Variants in KIF6 observed in about 807,000 individuals in gnomAD.
KIF6 encodes the protein kinesin-like protein KIF6.
Under a neutral mutation model 112.7 loss-of-function variants are expected in KIF6, and 106 were observed. That is an observed-to-expected ratio of 0.94 (90% CI 0.80 to 1.11). The LOEUF is 1.11. Among genes scored for constraint, KIF6 ranks in the 50% least tolerant of loss-of-function variants. The pLI, the probability that KIF6 is intolerant of heterozygous loss-of-function variation, is 0.00. For missense variants in KIF6, 929 were observed against 964.0 expected, an observed-to-expected ratio of 0.96 and a Z score of 0.48; for synonymous variants, 339 against 339.9, an observed-to-expected ratio of 1.00 and a Z score of 0.03.
rs1300825375 is a variant in KIF6 at position 39,336,273 on chromosome 6, G to C, written c.*259C>G. ...AGCTGAAGCCTTCACCCTGCCCCTAGCACTCTGGCCTTGCCTGGCCCTGCC... is the reference window on the plus strand; with the variant it reads ...AGCTGAAGCCTTCACCCTGCCCCTACCACTCTGGCCTTGCCTGGCCCTGCC... On this transcript the variant is annotated 3_prime_UTR_variant, in exon 23 of 23. Transcript: ENST00000287152. 1 of 530,674 alleles carries C rather than the reference G, an allele frequency of 1.9e-6. No homozygotes were observed. The highest frequency in any genetic ancestry group is 1.9e-5 in the African/African-American group (1 of 52,012). 32.9% of individuals were successfully genotyped at this position (530,674 alleles called of 1,614,324 possible).
intron 3 of KIF6, among the ~76,000 whole-genome samples, chr6:39,698,527 T>C (rs909785520): frequency 6.6e-6 from 1 of 152,206 alleles, no homozygotes; most frequent in Admixed American, 6.5e-5. Context: ...GACAGAGCCA[T>C]AGATGAAGAA....
intron 3 of KIF6, among the ~76,000 whole-genome samples, chr6:39,671,868 G>A (rs897637065): frequency 2.0e-5 from 3 of 152,090 alleles, no homozygotes; most frequent in South Asian, 2.1e-4. Flanking sequence ...GGTTGTCTTC[G>A]GGTACTCTGG....
chr6:39,592,491 G>A (rs1782005265), intron 7 of KIF6, among the ~76,000 whole-genome samples: 1 of 152,156 alleles, frequency 6.6e-6, no homozygotes, highest in Non-Finnish European at 1.5e-5. Context: ...CATTTATGTT[G>A]AATAAATGGC....
At chr6:39,409,407 T>C (rs1022853476) in intron 15 of KIF6, among the ~76,000 whole-genome samples, 10 of 152,208 alleles carry the variant, frequency 6.6e-5, no homozygotes, top group African/African-American at 1.2e-4. Flanking sequence ...GTTCATGAGA[T>C]GCCTCATCAG....
Position 39,343,299 on chromosome 6 carries a change from A to C in KIF6, c.2428+410T>G. The C allele has an allele frequency of 7.7e-7, 1 of 1,292,434 alleles. No homozygotes were observed. Among genetic ancestry groups the C allele is most frequent in the East Asian group, 5.5e-5 (1 of 18,168 alleles). 80.1% of individuals were successfully genotyped at this position (1,292,434 alleles called of 1,614,324 possible). ...CACTCACAGCTCTTTGGCAAGAACC[A>C]CACTCTGATAGGGGAGTGAGACTTT... On this transcript the variant is annotated intron_variant, in intron 22 of 22. Transcript: ENST00000287152. The surrounding 1 kb of genome is among the most constrained non-coding windows in gnomAD (Gnocchi z 4.1).
chr6:39,372,873 C>T (rs1427085170), intron 16 of KIF6, among the ~76,000 whole-genome samples: 2 of 152,152 alleles, frequency 1.3e-5, no homozygotes, highest in African/African-American at 4.8e-5. Context: ...TGTATTTCAG[C>T]ACAGCCAACC....
Position 39,596,059 on chromosome 6 carries a change from C to T in KIF6, c.841G>A (p.Glu281Lys). The T allele has an allele frequency of 2.5e-6, 4 of 1,613,358 alleles. No individual in the cohort carries two copies. Among genetic ancestry groups the T allele is most frequent in the Non-Finnish European group, 3.4e-6 (4 of 1,179,410 alleles). The change falls in exon 7 of 23, where the codon GAA (glutamate) becomes AAA (lysine). Residue 281 changes from glutamate to lysine, a missense_variant. Glu to Lys is a moderately conservative substitution (Grantham distance 56, BLOSUM62 1). Transcript: ENST00000287152. ...KYINLSLHYL[E>K]QVIIALSEKH... ...TCCCACTCTGCCCATTTTACCTGTT[C>T]TAAGTAATGTAGTGACAAGTTGATA...
At chr6:39,482,081 A>G (rs973290879) in intron 13 of KIF6, among the ~76,000 whole-genome samples, 2 of 151,984 alleles carry the variant, frequency 1.3e-5, no homozygotes, top group African/African-American at 4.8e-5. Flanking sequence ...TCAACCACAG[A>G]TAACTCCAGC....
At chr6:39,356,876 A>C (rs966672144) in intron 19 of KIF6, among the ~76,000 whole-genome samples, 1 of 152,080 alleles carries the variant, frequency 6.6e-6, no homozygotes, top group African/African-American at 2.4e-5. Flanking sequence ...CCTGGCTAGG[A>C]CGAAGAGCTC....
intron 3 of KIF6, among the ~76,000 whole-genome samples, chr6:39,647,249 G>C (rs1785214225): frequency 6.6e-6 from 1 of 152,192 alleles, no homozygotes; most frequent in South Asian, 2.1e-4. Flanking sequence ...AGAAAAAAAT[G>C]TGAGGAGGCC....
chr6:39,433,275 T>C (rs1305502142), intron 13 of KIF6, among the ~76,000 whole-genome samples: 1 of 152,188 alleles, frequency 6.6e-6, no homozygotes, highest in Admixed American at 6.5e-5. Flanking sequence ...TGAGGTGCAC[T>C]GGGGCCTGGG....
At chr6:39,389,844 A>G (rs1239819458) in intron 15 of KIF6, among the ~76,000 whole-genome samples, 1 of 152,188 alleles carries the variant, frequency 6.6e-6, no homozygotes, top group Non-Finnish European at 1.5e-5. Context: ...TAGTCTGGCC[A>G]ACATGGCAAA....
intron 13 of KIF6, among the ~76,000 whole-genome samples, chr6:39,497,735 C>T (rs567289587): frequency 3.5e-4 from 53 of 152,312 alleles, no homozygotes; most frequent in African/African-American, 1.0e-3. Context: ...CCCCCCATCA[C>T]GAAGTACTCA....
At chr6:39,415,734 A>G (rs1444707918) in intron 15 of KIF6, among the ~76,000 whole-genome samples, 4 of 152,360 alleles carry the variant, frequency 2.6e-5, no homozygotes, top group African/African-American at 4.8e-5. Flanking sequence ...AGAACTGACA[A>G]ATAGCAAAAA....
chr6:39,466,680 G>C (rs1773806318), intron 13 of KIF6, among the ~76,000 whole-genome samples: 1 of 151,966 alleles, frequency 6.6e-6, no homozygotes, highest in African/African-American at 2.4e-5. Context: ...TAAGGTTATG[G>C]TATCTCCCTG....
intron 16 of KIF6, among the ~76,000 whole-genome samples, chr6:39,384,286 C>T (rs542921302): frequency 2.2e-4 from 33 of 152,286 alleles, no homozygotes; most frequent in East Asian, 1.7e-3. Context: ...AGGGTGAGCA[C>T]GAAGCAGGAT....
At chr6:39,572,788 C>G (rs1409224085) in intron 10 of KIF6, among the ~76,000 whole-genome samples, 1 of 148,880 alleles carries the variant, frequency 6.7e-6, no homozygotes, top group Non-Finnish European at 1.5e-5. Flanking sequence ...ATCCAGCTGT[C>G]TCTTTTCAAA....
intron 15 of KIF6, among the ~76,000 whole-genome samples, chr6:39,417,199 G>T (rs993200595): frequency 5.3e-5 from 8 of 152,164 alleles, no homozygotes; most frequent in Non-Finnish European, 8.8e-5. Flanking sequence ...CCTGGTGTCT[G>T]AGATGTCGTG....
intron 14 of KIF6, among the ~76,000 whole-genome samples, chr6:39,427,697 A>G (rs1770869929): frequency 6.6e-6 from 1 of 152,204 alleles, no homozygotes; most frequent in African/African-American, 2.4e-5. Flanking sequence ...GTTCCCTTGC[A>G]CTATGGCCAC....
Sources: allele counts gnomAD v4.1 joint callset (sites outside exome capture counted in the v4.1 genomes callset), GRCh38; gene constraint gnomAD v4.1.1; non-coding constraint Gnocchi (gnomAD v3.1); transcripts MANE v1.5; gene names NCBI Gene and HGNC (gene_info 2026-07-23, HGNC 2026-07-21).